NPEPPS: variants seen among roughly 807,000 people sequenced by gnomAD.
The protein encoded by NPEPPS is puromycin-sensitive aminopeptidase.
A neutral mutation model predicts 115.5 loss-of-function variants in NPEPPS; 14 were observed. The observed-to-expected ratio is 0.12, with a 90% CI of 0.08 to 0.19. The LOEUF (loss-of-function observed/expected upper bound fraction) is 0.19. NPEPPS is among the 10% of genes least tolerant of loss of function. The pLI is 1.00. For synonymous variants in NPEPPS, 285 were observed against 390.6 expected, an observed-to-expected ratio of 0.73 and a Z score of 3.19; for missense variants, 523 against 1,110.8, an observed-to-expected ratio of 0.47 and a Z score of 7.52.
intron 9 of NPEPPS, among the ~76,000 whole-genome samples, chr17:47,588,639 CCTTTT>C (rs2143862900): frequency 6.6e-6 from 1 of 151,836 alleles, no homozygotes; most frequent in East Asian, 1.9e-4. Flanking sequence ...GAAGAAATGG[CCTTTT>C]CTTCTAATGC....
intron 17 of NPEPPS, among the ~76,000 whole-genome samples, chr17:47,607,072 CATCTT>C (rs1305038968): frequency 1.1e-4 from 16 of 151,800 alleles, no homozygotes; most frequent in African/African-American, 3.6e-4. Flanking sequence ...GGGTGCCTCT[CATCTT>C]AGCTACTCGG....
intron 2 of NPEPPS, among the ~76,000 whole-genome samples, chr17:47,564,014 C>A (rs975271868): frequency 2.6e-4 from 39 of 152,088 alleles, no homozygotes; most frequent in Admixed American, 6.5e-4. Context: ...CTCACTGCAG[C>A]CTCTACCTCC....
chr17:47,537,785 G>T (rs1246702068), intron 1 of NPEPPS, among the ~76,000 whole-genome samples: 1 of 150,508 alleles, frequency 6.6e-6, no homozygotes, highest in African/African-American at 2.4e-5. Context: ...TCCTCATAGT[G>T]TAGGTTTGTT....
At chr17:47,549,906 A>G (rs1339442005) in intron 2 of NPEPPS, among the ~76,000 whole-genome samples, 2 of 151,120 alleles carry the variant, frequency 1.3e-5, no homozygotes, top group Admixed American at 1.3e-4. Context: ...AATTACTCTC[A>G]AGGCATGAAA....
chr17:47,612,407 TA>T, intron 17 of NPEPPS, 52 bp from the exon 18 acceptor site: 1 of 1,589,986 alleles, frequency 6.3e-7, no homozygotes, highest in Middle Eastern at 1.8e-4. Flanking sequence ...ATGGCAAACT[TA>T]TAAAAATAGG....
At chr17:47,590,387 A>G (rs1303668134) in intron 9 of NPEPPS, among the ~76,000 whole-genome samples, 1 of 151,742 alleles carries the variant, frequency 6.6e-6, no homozygotes, top group African/African-American at 2.4e-5. Context: ...AGGCAGGCAT[A>G]GTGATACATG....
At chr17:47,573,436 G>A (rs557602768) in intron 3 of NPEPPS, among the ~76,000 whole-genome samples, 30 of 152,224 alleles carry the variant, frequency 2.0e-4, no homozygotes, top group African/African-American at 5.5e-4. Context: ...TTTGAATTTC[G>A]GAGTAAAAAT....
rs558548003 is a variant in NPEPPS at position 47,598,366 on chromosome 17, T to G, written c.1537-1310T>G. Among the ~76,000 whole-genome samples the G allele has an allele frequency of 1.1e-4, 16 of 152,208 alleles. No individual in the cohort carries two copies. In the South Asian group the frequency reaches 3.3e-3, roughly 32 times the overall value. On this transcript the variant is annotated intron_variant, in intron 13 of 22. Transcript: ENST00000322157. The stretch of plus-strand genomic sequence containing the variant: ...GCACGTGCCTATAGTCCCAGCTACT[T>G]GGGAGGCTTAGTTGGAAGGATCGCT...
At chr17:47,546,050 G>GTT (rs1159836290) in intron 2 of NPEPPS, 57 bp downstream of exon 2, 1 of 1,478,138 alleles carries the variant, frequency 6.8e-7, no homozygotes, top group African/African-American at 1.5e-5. Flanking sequence ...TGGGGTGTGT[G>GTT]TGTGTGTGTG....
rs1374041511 is a variant in NPEPPS, at chr17:47,545,893, T to C, written c.256-16T>C. The C allele has an allele frequency of 6.6e-7, 1 of 1,522,260 alleles. No homozygotes were observed. Among genetic ancestry groups the C allele is most frequent in the African/African-American group, 1.4e-5 (1 of 72,416 alleles). The allele number at this position is 1,522,260 out of a possible 1,614,324, so 94.3% of individuals were successfully genotyped here. Reference sequence around the variant, plus strand: ...TAGGCTATTTCTGACACTGTTGATTTTCCTTTTCCCCTTAGGTGAGGCAGG... The same window carrying C: ...TAGGCTATTTCTGACACTGTTGATTCTCCTTTTCCCCTTAGGTGAGGCAGG... On this transcript the variant is annotated splice_polypyrimidine_tract_variant and intron_variant, in intron 1 of 22. Coordinates refer to ENST00000322157, the MANE Select transcript of NPEPPS (RefSeq NM_006310.4).
At chr17:47,564,818 A>G (rs1400989106) in intron 2 of NPEPPS, among the ~76,000 whole-genome samples, 1 of 151,900 alleles carries the variant, frequency 6.6e-6, no homozygotes, top group Non-Finnish European at 1.5e-5. Context: ...TTATCTTCTA[A>G]GAGGTTTGAG....
At chr17:47,546,595 G>GT (rs1909237005) in intron 2 of NPEPPS, among the ~76,000 whole-genome samples, 1 of 152,020 alleles carries the variant, frequency 6.6e-6, no homozygotes, top group Admixed American at 6.6e-5. Flanking sequence ...CTGGAGTGCA[G>GT]TGGCGTGATC....
intron 3 of NPEPPS, among the ~76,000 whole-genome samples, chr17:47,575,226 A>G (rs1442630237): frequency 6.6e-6 from 1 of 152,182 alleles, no homozygotes. Context: ...TCAAAACTAT[A>G]CCCTGCTTTT....
At chr17:47,562,655 G>A (rs1910511645) in intron 2 of NPEPPS, among the ~76,000 whole-genome samples, 1 of 150,942 alleles carries the variant, frequency 6.6e-6, no homozygotes, top group South Asian at 2.1e-4. Flanking sequence ...TTTGTAGAGG[G>A]CTAACATTAA....
chr17:47,621,735 A>G, intron 22 of NPEPPS, 33 bp from the exon 23 acceptor site: 1 of 1,575,126 alleles, frequency 6.3e-7, no homozygotes, highest in Non-Finnish European at 8.7e-7. Context: ...TATTGCTAGT[A>G]ATGATCCTGC....
chr17:47,596,391 C>A lies in NPEPPS; in HGVS notation c.1465C>A (p.Pro489Thr). Residue 489 changes from proline to threonine, a missense_variant, in exon 13 of 23, where the codon CCT becomes ACT. Pro to Thr is a conservative substitution (Grantham distance 38, BLOSUM62 -1). Transcript: ENST00000322157. Reference protein sequence around the residue: ...WESLENASGKPIAAVMNTWTK... With the variant: ...WESLENASGKTIAAVMNTWTK... The stretch of plus-strand genomic sequence containing the variant: ...AAGTTTAGAAAATGCTAGTGGTAAA[C>A]CTATAGCAGCTGTGATGAATACCTG... The A allele has an allele frequency of 6.3e-7, 1 of 1,596,738 alleles. No homozygotes were observed. Among genetic ancestry groups the A allele is most frequent in the South Asian group, 1.1e-5 (1 of 87,692 alleles).
chr17:47,616,040 T>C (rs983424234), intron 19 of NPEPPS, among the ~76,000 whole-genome samples: 13 of 152,162 alleles, frequency 8.5e-5, no homozygotes, highest in African/African-American at 3.1e-4. Context: ...AACAGTTCTC[T>C]ATGGAGGAAA....
chr17:47,602,775 G>A (rs1173674544), intron 15 of NPEPPS, among the ~76,000 whole-genome samples: 1 of 151,526 alleles, frequency 6.6e-6, no homozygotes, highest in Non-Finnish European at 1.5e-5. Flanking sequence ...GGAGTAGCTA[G>A]GATTATAGTC....
At chr17:47,543,294 A>G (rs904789123) in intron 1 of NPEPPS, among the ~76,000 whole-genome samples, 1 of 150,442 alleles carries the variant, frequency 6.6e-6, no homozygotes, top group Admixed American at 6.8e-5. Context: ...GATTAAACCA[A>G]TGGACTATCA....
Sources: gnomAD v4.1 joint callset for allele counts (sites outside exome capture counted in the v4.1 genomes callset) on GRCh38, gnomAD v4.1.1 for gene constraint, MANE v1.5 for transcripts, NCBI Gene and HGNC (gene_info 2026-07-23, HGNC 2026-07-21) for gene names.